The following OSBP2 variants were observed in gnomAD, a reference collection of about 807,000 sequenced individuals.
OSBP2 encodes oxysterol-binding protein 2.
In OSBP2, 66 loss-of-function variants were observed where a neutral mutation model predicts 96.0. That is an observed-to-expected ratio of 0.69 (90% CI 0.56 to 0.84). The LOEUF (loss-of-function observed/expected upper bound fraction) is 0.84, where lower values mean the gene tolerates loss of function less well. OSBP2 is among the 40% of genes least tolerant of loss of function. The pLI, the probability that OSBP2 is intolerant of heterozygous loss-of-function variation, is 0.00. For synonymous variants in OSBP2, 525 were observed against 520.9 expected (o/e 1.01, Z -0.11); for missense variants, 1,038 against 1,222.7 (o/e 0.85, Z 2.25).
chr22:30,813,814 T>C (rs972024868), intron 2 of OSBP2, among the ~76,000 whole-genome samples: 1 of 151,870 alleles, frequency 6.6e-6, no homozygotes. Flanking sequence ...TTTTCTTTTT[T>C]TTTTTGAGAT....
At chr22:30,781,088 GT>G (rs2090512814) in intron 2 of OSBP2, among the ~76,000 whole-genome samples, 1 of 150,978 alleles carries the variant, frequency 6.6e-6, no homozygotes, top group South Asian at 2.1e-4. Flanking sequence ...CAATTCTCCT[GT>G]CTCAGCCTCC....
chr22:30,739,400 G>A (rs1325943046), intron 1 of OSBP2, among the ~76,000 whole-genome samples: 3 of 152,218 alleles, frequency 2.0e-5, no homozygotes, highest in African/African-American at 7.2e-5. Context: ...ATGCCTCTAC[G>A]TCTGCCCCCT....
intron 2 of OSBP2, among the ~76,000 whole-genome samples, chr22:30,797,271 GTTTA>G (rs1453307064): frequency 6.6e-6 from 1 of 152,110 alleles, no homozygotes; most frequent in Non-Finnish European, 1.5e-5. Flanking sequence ...ATGCTGCTAT[GTTTA>G]TTTATTTATT....
chr22:30,742,051 C>A (rs1308731720), intron 2 of OSBP2, among the ~76,000 whole-genome samples: 1 of 151,948 alleles, frequency 6.6e-6, no homozygotes, highest in African/African-American at 2.4e-5. Context: ...AACTCCTGAC[C>A]TCACGTGATC....
intron 12 of OSBP2, chr22:30,902,140 C>CAAAAAAAA (rs1239083048): frequency 3.1e-5 from 8 of 258,620 alleles, no homozygotes; most frequent in Non-Finnish European, 4.1e-5. Context: ...AAAAAAAAAC[C>CAAAAAAAA]AAAAAAAAAA....
intron 2 of OSBP2, among the ~76,000 whole-genome samples, chr22:30,865,325 TA>T (rs2039312420): frequency 6.6e-6 from 1 of 152,006 alleles, no homozygotes; most frequent in African/African-American, 2.4e-5. Flanking sequence ...TGATTTGAAG[TA>T]AACTCAAGAC....
At chr22:30,815,916 C>T (rs1355471540) in intron 2 of OSBP2, among the ~76,000 whole-genome samples, 1 of 152,076 alleles carries the variant, frequency 6.6e-6, no homozygotes, top group Non-Finnish European at 1.5e-5. Flanking sequence ...TATCTTTGTA[C>T]AGAAAGCTTT....
intron 1 of OSBP2, among the ~76,000 whole-genome samples, chr22:30,721,113 G>C (rs1341166949): frequency 6.6e-6 from 1 of 152,140 alleles, no homozygotes; most frequent in Non-Finnish European, 1.5e-5. Flanking sequence ...TGTAATCCCA[G>C]CTACTTGGGA....
rs906477812 is a variant in OSBP2 at position 30,835,786 on chromosome 22, G to C, written c.854-34643G>C. On this transcript the variant is annotated intron_variant, in intron 2 of 13. Coordinates refer to ENST00000332585, the MANE Select transcript of OSBP2 (RefSeq NM_030758.4). ...GCCTGGAGTGCAGTGGCATGATCAC[G>C]GCTCATTGCAGCCTCGACCTCCCCT... Among the ~76,000 whole-genome samples the C allele has an allele frequency of 2.0e-5, 3 of 149,732 alleles. No individual in the cohort carries two copies. The Admixed American group carries it at 2.0e-4, about 10-fold the overall frequency.
chr22:30,705,652 C>G (rs1430490079), intron 1 of OSBP2, among the ~76,000 whole-genome samples: 1 of 152,178 alleles, frequency 6.6e-6, no homozygotes, highest in African/African-American at 2.4e-5. Flanking sequence ...GCTGCTGCTA[C>G]TGAACCTTGT....
intron 2 of OSBP2, among the ~76,000 whole-genome samples, chr22:30,746,726 A>G (rs1167053839): frequency 6.6e-6 from 1 of 152,050 alleles, no homozygotes; most frequent in East Asian, 1.9e-4. Context: ...TCCTGACCTC[A>G]GATGATCCGC....
At chr22:30,822,409 C>A in intron 2 of OSBP2, 1 of 865,800 alleles carries the variant, frequency 1.2e-6, no homozygotes, top group Non-Finnish European at 1.5e-6. Flanking sequence ...GGCAGCACCG[C>A]CGCTCAGGCT....
intron 2 of OSBP2, among the ~76,000 whole-genome samples, chr22:30,864,311 C>T (rs555574237): frequency 7.2e-5 from 11 of 152,280 alleles, no homozygotes; most frequent in South Asian, 2.1e-4. Context: ...GGCTGGTGAA[C>T]GGGCCCAGTG....
intron 1 of OSBP2, among the ~76,000 whole-genome samples, chr22:30,716,187 G>T (rs2089453030): frequency 6.6e-6 from 1 of 151,274 alleles, no homozygotes; most frequent in Admixed American, 6.6e-5. Context: ...GATTACAGGT[G>T]CCTGCCACCA....
intron 1 of OSBP2, among the ~76,000 whole-genome samples, chr22:30,737,557 G>T (rs1011684902): frequency 4.6e-5 from 7 of 151,548 alleles, no homozygotes; most frequent in African/African-American, 1.7e-4. Context: ...TTGAACTCCT[G>T]GCCTCAAGTG....
At chr22:30,734,783 A>G (rs539814318) in intron 1 of OSBP2, among the ~76,000 whole-genome samples, 11 of 152,366 alleles carry the variant, frequency 7.2e-5, no homozygotes, top group African/African-American at 2.6e-4. Flanking sequence ...CTAAATTCTA[A>G]GACTAGCAAA....
chr22:30,814,160 T>A (rs1454973727), intron 2 of OSBP2, among the ~76,000 whole-genome samples: 1 of 152,126 alleles, frequency 6.6e-6, no homozygotes, highest in Non-Finnish European at 1.5e-5. Context: ...AGGAAGTATA[T>A]GAGTCAGCCT....
Position 30,870,657 on chromosome 22 carries a change from G to A in OSBP2, c.1082G>A (p.Arg361His), listed in dbSNP as rs775657267. 9.3e-6 allele frequency: 15 copies of A among 1,613,480 alleles called. No homozygotes were observed. The highest frequency in any genetic ancestry group is 1.3e-5 in the African/African-American group (1 of 74,876). The change falls in exon 3 of 14, where the codon CGC becomes CAC. Residue 361 changes from arginine (R) to histidine (H), a missense_variant. By Grantham distance (29) the Arg-to-His change is conservative. Coordinates refer to ENST00000332585, the MANE Select transcript of OSBP2 (RefSeq NM_030758.4). This position sits in a 1 kb window ranked among gnomAD's most constrained non-coding sequence, Gnocchi z 4.1. The stretch of plus-strand genomic sequence containing the variant: ...GTGAATGAGCGGGCCACCCTCTTCC[G>A]CATCACATCCAATGCTATGATCAAC... ...KVVNERATLF[R>H]ITSNAMINAC...
intron 2 of OSBP2, among the ~76,000 whole-genome samples, chr22:30,768,619 G>T (rs1202200376): frequency 6.6e-6 from 1 of 151,936 alleles, no homozygotes; most frequent in African/African-American, 2.4e-5. Context: ...CCAGATTGCA[G>T]TGAGCCAAGA....
Sources: gnomAD v4.1 joint callset for allele counts (sites outside exome capture counted in the v4.1 genomes callset) on GRCh38, gnomAD v4.1.1 for gene constraint, Gnocchi (gnomAD v3.1) non-coding constraint, MANE v1.5 for transcripts, NCBI Gene and HGNC (gene_info 2026-07-23, HGNC 2026-07-21) for gene names.